Variants in DENND5A observed in about 807,000 individuals in gnomAD.
The protein encoded by DENND5A is DENN domain-containing protein 5A.
A neutral mutation model predicts 140.3 loss-of-function variants in DENND5A; 64 were observed. The ratio of observed to expected loss-of-function variants is 0.46; its 90% CI spans 0.37 to 0.56. The LOEUF is 0.56. Among genes scored for constraint, DENND5A ranks in the 20% least tolerant of loss-of-function variants. DENND5A has a pLI of 0.00. For missense variants in DENND5A, 1,292 were observed against 1,593.8 expected, an observed-to-expected ratio of 0.81 and a Z score of 3.22; for synonymous variants, 605 against 607.7, an observed-to-expected ratio of 1.00 and a Z score of 0.07.
Position 9,142,862 on chromosome 11 carries a change from G to C in DENND5A, c.3388-17C>G. ...ACTGCCTCGCTACGTAAGGAAACAG[G>C]GGAGGGTGCCAGGCTTGTCTCAGCC... On this transcript the variant is annotated splice_polypyrimidine_tract_variant and intron_variant, in intron 20 of 22. Transcript: ENST00000328194. 6.2e-7 allele frequency: 1 copy of C among 1,613,554 alleles called. No individual in the cohort carries two copies. Among genetic ancestry groups the C allele is most frequent in the South Asian group, 1.1e-5 (1 of 91,006 alleles).
chr11:9,177,021 G>A (rs1196706037), intron 8 of DENND5A: 2 of 426,414 alleles, frequency 4.7e-6, no homozygotes, highest in Non-Finnish European at 9.4e-6. Flanking sequence ...TTGGAATGCA[G>A]AGGTGGGAGA....
chr11:9,171,459 A>C (rs1848370870), intron 8 of DENND5A: 1 of 152,186 alleles, frequency 6.6e-6, no homozygotes, highest in African/African-American at 2.4e-5. Flanking sequence ...AAAGAAATCA[A>C]ATTATTTCTA....
At chr11:9,241,335 G>A (rs1307034493) in intron 1 of DENND5A, among the ~76,000 whole-genome samples, 1 of 152,134 alleles carries the variant, frequency 6.6e-6, no homozygotes, top group East Asian at 1.9e-4. Flanking sequence ...CATCCCCAGA[G>A]TTTATGATTC....
At chr11:9,186,211 G>A (rs1471806235) in intron 5 of DENND5A, among the ~76,000 whole-genome samples, 1 of 152,096 alleles carries the variant, frequency 6.6e-6, no homozygotes, top group Non-Finnish European at 1.5e-5. Flanking sequence ...CTCCTCCACT[G>A]GATAACAACT....
intron 6 of DENND5A, among the ~76,000 whole-genome samples, chr11:9,180,094 T>C (rs1848677762): frequency 6.6e-6 from 1 of 152,134 alleles, no homozygotes; most frequent in Non-Finnish European, 1.5e-5. Flanking sequence ...AAGCCTTGGT[T>C]TCTTTGGCTA....
At chr11:9,257,210 G>GT (rs1006165468) in intron 1 of DENND5A, among the ~76,000 whole-genome samples, 3 of 151,724 alleles carry the variant, frequency 2.0e-5, no homozygotes, top group Non-Finnish European at 4.4e-5. Flanking sequence ...GGGTTTCATC[G>GT]TGTTGGCCAG....
At chr11:9,183,916 T>C (rs1449353847) in intron 5 of DENND5A, among the ~76,000 whole-genome samples, 1 of 152,094 alleles carries the variant, frequency 6.6e-6, no homozygotes, top group Non-Finnish European at 1.5e-5. Flanking sequence ...CCGGGCGCCG[T>C]GGCTCACCCC....
intron 1 of DENND5A, among the ~76,000 whole-genome samples, chr11:9,211,007 T>C (rs1222723773): frequency 6.6e-6 from 1 of 152,166 alleles, no homozygotes; most frequent in Non-Finnish European, 1.5e-5. Flanking sequence ...AAGTATGAGC[T>C]TGTCTGGAGA....
At chr11:9,235,293 A>G (rs1850953507) in intron 1 of DENND5A, among the ~76,000 whole-genome samples, 1 of 152,170 alleles carries the variant, frequency 6.6e-6, no homozygotes, top group Non-Finnish European at 1.5e-5. Context: ...AAATATCCCA[A>G]TAATACAATA....
At chr11:9,253,552 G>A (rs1328836850) in intron 1 of DENND5A, among the ~76,000 whole-genome samples, 1 of 151,732 alleles carries the variant, frequency 6.6e-6, no homozygotes, top group Non-Finnish European at 1.5e-5. Flanking sequence ...CACTGTTCAA[G>A]CTGTTTAAGG....
intron 1 of DENND5A, among the ~76,000 whole-genome samples, chr11:9,256,454 C>G (rs368394085): frequency 6.6e-6 from 1 of 151,798 alleles, no homozygotes; most frequent in Non-Finnish European, 1.5e-5. Flanking sequence ...GAATGAAACT[C>G]TGTCTCAGAA....
intron 1 of DENND5A, among the ~76,000 whole-genome samples, chr11:9,222,512 TG>T (rs1850353353): frequency 6.6e-6 from 1 of 152,202 alleles, no homozygotes. Flanking sequence ...CTTTTTTATA[TG>T]AAGTTGCTTA....
intron 18 of DENND5A, 111 bp downstream of exon 18, chr11:9,144,884 C>G: frequency 1.3e-6 from 1 of 749,578 alleles, no homozygotes; most frequent in Non-Finnish European, 2.4e-6. Context: ...GAAGTTGCCT[C>G]AGGTTATCAC....
At chr11:9,212,764 G>C (rs903849675) in intron 1 of DENND5A, among the ~76,000 whole-genome samples, 11 of 152,168 alleles carry the variant, frequency 7.2e-5, no homozygotes, top group African/African-American at 2.7e-4. Context: ...CAGTAGACCT[G>C]TACAGGAATG....
chr11:9,216,662 A>T (rs1251796753), intron 1 of DENND5A, among the ~76,000 whole-genome samples: 1 of 152,230 alleles, frequency 6.6e-6, no homozygotes, highest in Non-Finnish European at 1.5e-5. Context: ...TCATGCCTGT[A>T]ATCCCAGATA....
rs185448409 is a variant in DENND5A, at chr11:9,221,321, C to A, written c.110-13689G>T. Among the ~76,000 whole-genome samples, 396 of 151,950 alleles carry A rather than the reference C, an allele frequency of 2.6e-3. 1 individual carries two copies. Among genetic ancestry groups the A allele is most frequent in the African/African-American group, 9.3e-3 (384 of 41,466 alleles). On this transcript the variant is annotated intron_variant, in intron 1 of 22. Transcript: ENST00000328194. ...TGGCGAGTGCCTGTAGTCTCAGCTA[C>A]TCAGGAGGCTGAGGCAGAAGAATCT... is the stretch of plus-strand genomic sequence containing the variant.
In DENND5A at chr11:9,234,744, T is replaced by A. The variant is rs12294611; in HGVS notation, c.110-27112A>T. On this transcript the variant is annotated intron_variant, in intron 1 of 22. Coordinates refer to ENST00000328194, the MANE Select transcript of DENND5A (RefSeq NM_015213.4). ...CTGTGCCTTAAGGACGTGCTCCTGC[T>A]GTAGATAACTAGCCGAACCCATCCC... is the stretch of plus-strand genomic sequence containing the variant. Among the ~76,000 whole-genome samples the A allele has an allele frequency of 7.4e-3, 1,132 of 152,360 alleles. 21 individuals are homozygous for A. Among genetic ancestry groups the A allele is most frequent in the African/African-American group, 0.026 (1,082 of 41,590 alleles).
Position 9,203,594 on chromosome 11 carries a change from T to C in DENND5A, c.949+66A>G, listed in dbSNP as rs1849590723. The C allele has an allele frequency of 3.3e-6, 5 of 1,524,810 alleles. No homozygotes were observed. The South Asian group carries it at 6.5e-5, about 20-fold the overall frequency. 94.5% of individuals were successfully genotyped at this position (1,524,810 alleles called of 1,614,324 possible). A position where few individuals can be genotyped will look rare whatever the true frequency, so the allele number is the denominator to read the frequency against. On this transcript the variant is annotated intron_variant, in intron 4 of 22. Coordinates refer to ENST00000328194, the MANE Select transcript of DENND5A (RefSeq NM_015213.4). ...TCTTAACCTTTACAGTCAGCCTCACTGTATCTGAACATGGAAAGCAAAGAA... is the reference window on the plus strand; with the variant it reads ...TCTTAACCTTTACAGTCAGCCTCACCGTATCTGAACATGGAAAGCAAAGAA...
chr11:9,260,021 C>T (rs1378267540), intron 1 of DENND5A, among the ~76,000 whole-genome samples: 1 of 106,080 alleles, frequency 9.4e-6, no homozygotes, highest in African/African-American at 3.5e-5. Flanking sequence ...GAGCAGGACT[C>T]CATCTCAAAA....
Sources: allele counts gnomAD v4.1 joint callset (sites outside exome capture counted in the v4.1 genomes callset), GRCh38; gene constraint gnomAD v4.1.1; transcripts MANE v1.5; gene names NCBI Gene and HGNC (gene_info 2026-07-23, HGNC 2026-07-21).